The following CMIP variants were observed in gnomAD, a reference collection of about 807,000 sequenced individuals.
The protein encoded by CMIP is C-Maf-inducing protein.
In CMIP, 13 loss-of-function variants were observed where a neutral mutation model predicts 97.3. That is an observed-to-expected ratio of 0.13 (90% CI 0.09 to 0.21). CMIP has a LOEUF of 0.21. Among genes scored for constraint, CMIP ranks in the 10% least tolerant of loss-of-function variants. The pLI is 1.00. For missense variants in CMIP, 847 were observed against 1,024.9 expected (o/e 0.83, Z 2.37); for synonymous variants, 538 against 436.3 (o/e 1.23, Z -2.91).
chr16:81,647,835 C>A (rs889206155), intron 3 of CMIP, among the ~76,000 whole-genome samples: 3 of 152,060 alleles, frequency 2.0e-5, no homozygotes, highest in African/African-American at 7.2e-5. Flanking sequence ...CTGTGGCCAC[C>A]CTGACCTGGG....
chr16:81,636,466 A>G (rs1261732426), intron 3 of CMIP, among the ~76,000 whole-genome samples: 1 of 151,852 alleles, frequency 6.6e-6, no homozygotes, highest in Non-Finnish European at 1.5e-5. Flanking sequence ...CCGTAATCCC[A>G]GCTACTAGGG....
chr16:81,463,325 G>A (rs1907001808), intron 1 of CMIP, among the ~76,000 whole-genome samples: 1 of 152,214 alleles, frequency 6.6e-6, no homozygotes, highest in Non-Finnish European at 1.5e-5. Context: ...GAGGGACAGA[G>A]TTCCTTGGGG....
intron 1 of CMIP, 98 bp downstream of exon 1, chr16:81,445,639 T>G (rs2150723417): frequency 7.9e-7 from 1 of 1,260,638 alleles, no homozygotes; most frequent in Non-Finnish European, 1.1e-6. Context: ...GCCCAGGGCC[T>G]GGGGGGCGGT....
chr16:81,511,720 C>G (rs977928127), intron 1 of CMIP, among the ~76,000 whole-genome samples: 1 of 152,198 alleles, frequency 6.6e-6, no homozygotes, highest in African/African-American at 2.4e-5. Flanking sequence ...ACCACCACGC[C>G]TGCCTAATTT....
rs1332046557 is a variant in CMIP at position 81,602,270 on chromosome 16, A to G, written c.301-5297A>G. On this transcript the variant is annotated intron_variant, in intron 1 of 20. Coordinates refer to ENST00000537098, the MANE Select transcript of CMIP (RefSeq NM_198390.3). ...GTGGGGAAAAAAAAGGCGTTACAAA[A>G]TTCTTTGTACTGTATGATTTCGGCT... is the stretch of plus-strand genomic sequence containing the variant. Among the ~76,000 whole-genome samples the G allele has an allele frequency of 5.3e-5, 8 of 152,322 alleles. No individual in the cohort carries two copies. In the South Asian group the frequency reaches 1.0e-3, roughly 20 times the overall value.
chr16:81,672,589 G>C, intron 9 of CMIP, among the ~76,000 whole-genome samples: 1 of 151,872 alleles, frequency 6.6e-6, no homozygotes, highest in East Asian at 1.9e-4. Context: ...TTATTTTTTT[G>C]AGACAGGGTC....
chr16:81,535,238 C>T (rs2090318643), intron 1 of CMIP, among the ~76,000 whole-genome samples: 1 of 152,160 alleles, frequency 6.6e-6, no homozygotes, highest in South Asian at 2.1e-4. Context: ...GTGTGAGCCA[C>T]CACGTGGCCC....
At chr16:81,507,161 CAGG>C (rs959498458) in intron 1 of CMIP, among the ~76,000 whole-genome samples, 2 of 152,018 alleles carry the variant, frequency 1.3e-5, no homozygotes, top group African/African-American at 4.8e-5. Flanking sequence ...GAGGCTGAGG[CAGG>C]AGAATGGCGT....
chr16:81,550,420 A>G (rs2090629761), intron 1 of CMIP, among the ~76,000 whole-genome samples: 1 of 152,198 alleles, frequency 6.6e-6, no homozygotes, highest in Non-Finnish European at 1.5e-5. Context: ...GGCCCTGTCC[A>G]TGGAGGTGCA....
At chr16:81,615,503 GTGTC>G (rs1386327050) in intron 2 of CMIP, among the ~76,000 whole-genome samples, 3 of 149,546 alleles carry the variant, frequency 2.0e-5, no homozygotes, top group South Asian at 2.2e-4. Flanking sequence ...TGTGGTGTGT[GTGTC>G]TGTGTGCAGG....
intron 1 of CMIP, among the ~76,000 whole-genome samples, chr16:81,571,300 T>G (rs2091083068): frequency 6.6e-6 from 1 of 152,032 alleles, no homozygotes; most frequent in Non-Finnish European, 1.5e-5. Context: ...TGAGACCCTG[T>G]CTCTAGCAAA....
At chr16:81,535,996 C>T (rs1252668279) in intron 1 of CMIP, among the ~76,000 whole-genome samples, 1 of 152,120 alleles carries the variant, frequency 6.6e-6, no homozygotes, top group African/African-American at 2.4e-5. Context: ...ACCTCGGTGA[C>T]AAGGGACCTC....
chr16:81,660,852 A>T (rs1334096200), intron 5 of CMIP, 32 bp from the exon 6 acceptor site: 2 of 1,613,506 alleles, frequency 1.2e-6, no homozygotes. Flanking sequence ...TATCTACCCC[A>T]CGGTTCCTGA....
At chr16:81,680,465 G>T (rs562696310) in intron 10 of CMIP, among the ~76,000 whole-genome samples, 2 of 152,324 alleles carry the variant, frequency 1.3e-5, no homozygotes, top group East Asian at 1.9e-4. Flanking sequence ...GAAGGAGATC[G>T]TGGAGGCAGC....
intron 1 of CMIP, among the ~76,000 whole-genome samples, chr16:81,515,138 G>C (rs1178457407): frequency 6.6e-6 from 1 of 152,210 alleles, no homozygotes; most frequent in African/African-American, 2.4e-5. Context: ...CCCTGTGCCA[G>C]ACCGTCTTCT....
intron 1 of CMIP, among the ~76,000 whole-genome samples, chr16:81,479,956 C>G (rs1908158514): frequency 6.6e-6 from 1 of 152,180 alleles, no homozygotes; most frequent in Admixed American, 6.5e-5. Flanking sequence ...TACTTTGTGC[C>G]AGGTCCACAT....
At chr16:81,611,142 C>T (rs368838132) in intron 2 of CMIP, among the ~76,000 whole-genome samples, 36 of 152,316 alleles carry the variant, frequency 2.4e-4, no homozygotes, top group African/African-American at 8.2e-4. Context: ...TCCTCAGTCC[C>T]GTTAGCTACA....
At chr16:81,475,935 T>G (rs926650213) in intron 1 of CMIP, 1 of 414,124 alleles carries the variant, frequency 2.4e-6, no homozygotes. Context: ...TGCAGTGAGC[T>G]GAGATTGCTC....
At chr16:81,509,973 G>T (rs1287838818) in intron 1 of CMIP, among the ~76,000 whole-genome samples, 3 of 152,236 alleles carry the variant, frequency 2.0e-5, no homozygotes, top group Admixed American at 6.5e-5. Context: ...CCCAAAGGAA[G>T]TATGCCTGAA....
Sources: gnomAD v4.1 joint callset for allele counts (sites outside exome capture counted in the v4.1 genomes callset) on GRCh38, gnomAD v4.1.1 for gene constraint, MANE v1.5 for transcripts, NCBI Gene and HGNC (gene_info 2026-07-23, HGNC 2026-07-21) for gene names.